The following GRM1 variants were observed in gnomAD, a reference collection of about 807,000 sequenced individuals.
GRM1 encodes the protein glutamate metabotropic receptor 1.
Under a neutral mutation model 90.9 loss-of-function variants are expected in GRM1, and 33 were observed. The observed-to-expected ratio is 0.36, with a 90% CI of 0.28 to 0.49. GRM1 has a LOEUF of 0.49. Ranked by LOEUF, GRM1 falls within the 20% of genes least tolerant of loss-of-function variation. The pLI is 0.99. For missense variants in GRM1, 1,190 were observed against 1,534.3 expected, an observed-to-expected ratio of 0.78 and a Z score of 3.75; for synonymous variants, 700 against 613.2, an observed-to-expected ratio of 1.14 and a Z score of -2.09.
At chr6:146,196,136 T>C (rs1198539197) in intron 2 of GRM1, among the ~76,000 whole-genome samples, 1 of 152,184 alleles carries the variant, frequency 6.6e-6, no homozygotes, top group Non-Finnish European at 1.5e-5. Flanking sequence ...GATGAGCAGT[T>C]TCATGAGGAA....
chr6:146,121,976 C>T (rs1237054952), intron 1 of GRM1, among the ~76,000 whole-genome samples: 1 of 152,106 alleles, frequency 6.6e-6, no homozygotes, highest in Admixed American at 6.6e-5. Flanking sequence ...AGTTCAATTC[C>T]TGGATATCCT....
chr6:146,030,298 C>G, intron 1 of GRM1, 81 bp downstream of exon 1: 1 of 1,021,078 alleles, frequency 9.8e-7, no homozygotes, highest in Non-Finnish European at 1.5e-6. Context: ...TAGTATTGTT[C>G]CTGTTTATTT....
chr6:146,325,816 T>C (rs1201490130), intron 3 of GRM1, among the ~76,000 whole-genome samples: 1 of 152,210 alleles, frequency 6.6e-6, no homozygotes, highest in Non-Finnish European at 1.5e-5. Context: ...TTATCTTCTG[T>C]GAGTTTCTTT....
Position 146,200,269 on chromosome 6 carries a change from G to A in GRM1, c.950+40672G>A, listed in dbSNP as rs1779258078. Among the ~76,000 whole-genome samples, 3 of 152,194 alleles carry A rather than the reference G, an allele frequency of 2.0e-5. No homozygotes were observed. The South Asian group carries it at 6.2e-4, about 32-fold the overall frequency. On this transcript the variant is annotated intron_variant, in intron 2 of 7. Transcript: ENST00000282753. ...GTACTAGTCTCTTGGCAAGCTACCAGTAAAGCTCCCTTGCTCTCATCTTTT... is the reference window on the plus strand; with the variant it reads ...GTACTAGTCTCTTGGCAAGCTACCAATAAAGCTCCCTTGCTCTCATCTTTT...
At chr6:146,117,071 A>G (rs553430001) in intron 1 of GRM1, among the ~76,000 whole-genome samples, 3 of 151,168 alleles carry the variant, frequency 2.0e-5, no homozygotes, top group African/African-American at 7.3e-5. Context: ...TGTTTATTTT[A>G]ATATGTTTTT....
intron 3 of GRM1, among the ~76,000 whole-genome samples, chr6:146,332,789 TG>T (rs978452663): frequency 1.2e-4 from 18 of 152,354 alleles, no homozygotes; most frequent in African/African-American, 3.4e-4. Flanking sequence ...TAAGGTATTT[TG>T]TCCTCCTCAA....
chr6:146,192,874 C>G (rs1778977625), intron 2 of GRM1, among the ~76,000 whole-genome samples: 1 of 151,966 alleles, frequency 6.6e-6, no homozygotes, highest in South Asian at 2.1e-4. Context: ...TCTAGGTGGG[C>G]ACAGCTGGAA....
chr6:146,208,195 G>A (rs1177794752), intron 2 of GRM1, among the ~76,000 whole-genome samples: 12 of 152,138 alleles, frequency 7.9e-5, no homozygotes, highest in Admixed American at 7.9e-4. Context: ...ACAGGCATAT[G>A]ACATAGGTCA....
At chr6:146,126,631 C>G (rs1454476276) in intron 1 of GRM1, among the ~76,000 whole-genome samples, 1 of 152,048 alleles carries the variant, frequency 6.6e-6, no homozygotes, top group Non-Finnish European at 1.5e-5. Context: ...TTAGTTGTAT[C>G]ATATCATTGT....
chr6:146,038,093 AT>A (rs201635285), intron 1 of GRM1, among the ~76,000 whole-genome samples: 13 of 151,298 alleles, frequency 8.6e-5, no homozygotes, highest in South Asian at 2.1e-4. Flanking sequence ...TGAATTAACC[AT>A]TTTTTTTTCT....
intron 2 of GRM1, among the ~76,000 whole-genome samples, chr6:146,181,325 T>C (rs898546494): frequency 6.6e-6 from 1 of 152,076 alleles, no homozygotes; most frequent in Non-Finnish European, 1.5e-5. Context: ...AGGCACTGAA[T>C]AAGGAAGTCT....
intron 2 of GRM1, among the ~76,000 whole-genome samples, chr6:146,207,726 T>C (rs994197566): frequency 6.6e-6 from 1 of 152,180 alleles, no homozygotes; most frequent in East Asian, 1.9e-4. Context: ...TTTGTTTTGA[T>C]GAGAGGGGGA....
chr6:146,366,125 G>A (rs1188159993), intron 5 of GRM1, among the ~76,000 whole-genome samples: 1 of 152,142 alleles, frequency 6.6e-6, no homozygotes, highest in Non-Finnish European at 1.5e-5. Context: ...ATGTAGGCTA[G>A]GCAATCAAAT....
chr6:146,364,646 G>T (rs1487728095), intron 5 of GRM1, among the ~76,000 whole-genome samples: 2 of 151,710 alleles, frequency 1.3e-5, no homozygotes, highest in African/African-American at 2.4e-5. Flanking sequence ...TTCTCATTTT[G>T]AAACATAAAA....
intron 2 of GRM1, among the ~76,000 whole-genome samples, chr6:146,232,266 G>A (rs1007448577): frequency 3.3e-5 from 5 of 152,022 alleles, no homozygotes; most frequent in African/African-American, 7.2e-5. Flanking sequence ...TGACAAGGTT[G>A]TTTCTTCTGA....
intron 2 of GRM1, among the ~76,000 whole-genome samples, chr6:146,196,821 G>T (rs1157110054): frequency 5.3e-5 from 8 of 152,114 alleles, no homozygotes; most frequent in Non-Finnish European, 1.0e-4. Context: ...TATAATAATT[G>T]TGAAGGCAGA....
intron 2 of GRM1, among the ~76,000 whole-genome samples, chr6:146,220,771 C>T (rs1206777561): frequency 3.9e-5 from 6 of 152,042 alleles, no homozygotes; most frequent in Non-Finnish European, 7.4e-5. Context: ...GGAGTGAGAG[C>T]GCACATCGTT....
At chr6:146,349,044 CTATTAT>C (rs71028388) in intron 3 of GRM1, among the ~76,000 whole-genome samples, 17,502 of 141,450 alleles carry the variant, frequency 0.12, 1,231 homozygotes, top group Middle Eastern at 0.18. Flanking sequence ...GAAGTGGTAG[CTATTAT>C]TATTATTATT....
At chr6:146,410,998 C>A (rs1187931764) in intron 7 of GRM1, among the ~76,000 whole-genome samples, 1 of 152,140 alleles carries the variant, frequency 6.6e-6, no homozygotes, top group Non-Finnish European at 1.5e-5. Flanking sequence ...TTGACTCATT[C>A]ATTCAATAAA....
Sources: allele counts gnomAD v4.1 joint callset (sites outside exome capture counted in the v4.1 genomes callset), GRCh38; gene constraint gnomAD v4.1.1; transcripts MANE v1.5; gene names NCBI Gene and HGNC (gene_info 2026-07-23, HGNC 2026-07-21).